Variants in PCDHA2 observed in about 807,000 individuals in gnomAD.
PCDHA2 encodes the protein protocadherin alpha-2.
A neutral mutation model predicts 66.0 loss-of-function variants in PCDHA2; 58 were observed. The observed-to-expected ratio is 0.88, with a 90% CI of 0.71 to 1.09. The LOEUF (loss-of-function observed/expected upper bound fraction) is 1.09. PCDHA2 is among the 50% of genes least tolerant of loss of function. The probability of loss-of-function intolerance (pLI) is 0.00; values close to 1 mark genes in which losing one functional copy is unlikely to be tolerated. For synonymous variants in PCDHA2, 634 were observed against 554.0 expected (o/e 1.14, Z -2.03); for missense variants, 1,267 against 1,242.3 (o/e 1.02, Z -0.30).
At chr5:140,921,091 C>G (rs893367475) in intron 1 of PCDHA2, among the ~76,000 whole-genome samples, 1 of 152,022 alleles carries the variant, frequency 6.6e-6, no homozygotes, top group Admixed American at 6.5e-5. Flanking sequence ...GAGAATCCTC[C>G]TGCCTCAGTC....
rs782414359 is a variant in PCDHA2, at chr5:140,802,121, A to G, written c.2388+4769A>G. On this transcript the variant is annotated intron_variant, in intron 1 of 3. Transcript: ENST00000526136. ...GACAAATCAGTGTAAAGGGTAACAT[A>G]GATTTCGAGGAAAGTAAGTCATATG... The G allele has an allele frequency of 1.4e-5, 23 of 1,614,132 alleles. No individual in the cohort carries two copies. The Admixed American group carries it at 3.5e-4, about 25-fold the overall frequency.
chr5:140,795,015 G>A lies in PCDHA2; in HGVS notation c.51G>A (p.Ser17=), dbSNP rs1241747001. The stretch of plus-strand genomic sequence containing the variant: ...GAGGGGCCTGGACACGGCTGCTCTC[G>A]CTTCTGCTCCTCGCAGCCTGGGAGG... ...RGRGAWTRLL[S]LLLLAAWEVG... Residue 17 remains serine (S), a synonymous_variant, in exon 1 of 4, where the codon TCG becomes TCA. Coordinates refer to ENST00000526136, the MANE Select transcript of PCDHA2 (RefSeq NM_018905.3). 1.9e-6 allele frequency: 3 copies of A among 1,613,636 alleles called. No individual in the cohort carries two copies. The highest frequency in any genetic ancestry group is 2.5e-6 in the Non-Finnish European group (3 of 1,179,950).
At chr5:140,922,139 C>A (rs2080663133) in intron 1 of PCDHA2, among the ~76,000 whole-genome samples, 1 of 151,854 alleles carries the variant, frequency 6.6e-6, no homozygotes, top group Non-Finnish European at 1.5e-5. Flanking sequence ...TCTTATCCTC[C>A]ATGAAACTCA....
intron 1 of PCDHA2, chr5:140,968,616 A>G (rs782318101): frequency 6.2e-7 from 1 of 1,614,154 alleles, no homozygotes; most frequent in Admixed American, 1.7e-5. Flanking sequence ...TCTGGGCAAA[A>G]TGCTTGGCTT....
intron 1 of PCDHA2, chr5:140,869,729 A>C (rs1554163384): frequency 6.2e-7 from 1 of 1,613,280 alleles, no homozygotes; most frequent in Admixed American, 1.7e-5. Context: ...CCGGAACTTA[A>C]TTTGCTGCTA....
At chr5:140,963,397 G>A (rs1190925238) in intron 1 of PCDHA2, among the ~76,000 whole-genome samples, 1 of 152,160 alleles carries the variant, frequency 6.6e-6, no homozygotes, top group Admixed American at 6.5e-5. Context: ...GCTCCCTACT[G>A]GATGCTGTAG....
At chr5:140,986,077 A>G (rs1335070462) in intron 3 of PCDHA2, among the ~76,000 whole-genome samples, 2 of 152,094 alleles carry the variant, frequency 1.3e-5, no homozygotes, top group Non-Finnish European at 2.9e-5. Flanking sequence ...GAAACTGTTC[A>G]TTTATTTTCA....
intron 1 of PCDHA2, chr5:140,835,753 A>C (rs1400734217): frequency 1.9e-6 from 3 of 1,613,298 alleles, no homozygotes; most frequent in Middle Eastern, 3.4e-4. Flanking sequence ...GCGTTCGCGC[A>C]GCCCGAGTAT....
chr5:140,885,410 G>A (rs1203684049), intron 1 of PCDHA2, among the ~76,000 whole-genome samples: 3 of 152,088 alleles, frequency 2.0e-5, no homozygotes, highest in Non-Finnish European at 4.4e-5. Flanking sequence ...TTTAATAGCT[G>A]TGTAGTATTC....
At position 140,853,114 on chromosome 5, in the gene PCDHA2, C is replaced by T. The variant is rs2150528456; in HGVS notation, c.2388+55762C>T. 11 of 456,802 alleles carry T rather than the reference C, an allele frequency of 2.4e-5. 1 individual carries two copies. The highest frequency in any genetic ancestry group is 1.1e-3 in the Middle Eastern group (1 of 920). The allele number at this position is 456,802 out of a possible 1,614,324, so 28.3% of individuals were successfully genotyped here. On this transcript the variant is annotated intron_variant, in intron 1 of 3. Coordinates refer to ENST00000526136, the MANE Select transcript of PCDHA2 (RefSeq NM_018905.3). ...CAGGATGGTCTCGATCTCCTGACCT[C>T]ATGATCCTCCCGCCTCAGCCTCCCA...
intron 1 of PCDHA2, chr5:140,801,761 A>G (rs1762778160): frequency 1.2e-6 from 2 of 1,613,888 alleles, no homozygotes; most frequent in African/African-American, 2.7e-5. Flanking sequence ...ATGATGAGGA[A>G]ATTAAATCCC....
intron 1 of PCDHA2, chr5:140,823,400 C>A (rs2150125536): frequency 1.2e-5 from 20 of 1,612,960 alleles, no homozygotes; most frequent in Non-Finnish European, 1.4e-5. Flanking sequence ...GCGGGCGTGC[C>A]GCCTCTGGGC....
intron 1 of PCDHA2, chr5:140,929,973 G>A (rs955255771): frequency 6.6e-6 from 1 of 152,136 alleles, no homozygotes; most frequent in Non-Finnish European, 1.5e-5. Context: ...TTTGGTGAAG[G>A]TGTCTTCTTT....
intron 1 of PCDHA2, chr5:140,927,406 G>A (rs782729912): frequency 1.2e-6 from 2 of 1,614,210 alleles, no homozygotes; most frequent in Admixed American, 1.7e-5. Flanking sequence ...CTTTCGCCTG[G>A]ACATGGGATC....
chr5:140,830,371 CG>C (rs1771026985), intron 1 of PCDHA2: 1 of 1,614,120 alleles, frequency 6.2e-7, no homozygotes, highest in Non-Finnish European at 8.5e-7. Flanking sequence ...GGGTGTGCTC[CG>C]GGGAGGGCCC....
At chr5:140,980,684 GAAAA>G (rs782726576) in intron 2 of PCDHA2, among the ~76,000 whole-genome samples, 3 of 145,064 alleles carry the variant, frequency 2.1e-5, no homozygotes, top group Non-Finnish European at 4.6e-5. Flanking sequence ...TTTTCAAATT[GAAAA>G]AAAAAAGCCA....
In PCDHA2 at chr5:140,964,303, C is replaced by T. The variant is rs947126454; in HGVS notation, c.2389-14646C>T. Among the ~76,000 whole-genome samples the T allele has an allele frequency of 9.2e-5, 14 of 152,208 alleles. 1 individual carries two copies. Among genetic ancestry groups the T allele is most frequent in the Non-Finnish European group, 2.9e-5 (2 of 68,038 alleles). On this transcript the variant is annotated intron_variant, in intron 1 of 3. Coordinates refer to ENST00000526136, the MANE Select transcript of PCDHA2 (RefSeq NM_018905.3). ...AATTCTAGCTGGAGCTAAATACCTA[C>T]AAGGCCTAAAACAGCATAATGGACA... is the stretch of plus-strand genomic sequence containing the variant.
intron 1 of PCDHA2, chr5:140,830,193 T>G: frequency 6.2e-7 from 1 of 1,613,664 alleles, no homozygotes; most frequent in Non-Finnish European, 8.5e-7. Flanking sequence ...GTGTACCTGA[T>G]CATCGCCATC....
In PCDHA2 at chr5:140,795,276, C is replaced by G. The variant is rs2149915094; in HGVS notation, c.312C>G (p.Ile104Met). The G allele has an allele frequency of 6.2e-7, 1 of 1,614,256 alleles. No individual in the cohort carries two copies. Among genetic ancestry groups the G allele is most frequent in the Middle Eastern group, 1.6e-4 (1 of 6,062 alleles). ...GCGGGCGGAGCGCGGAATGTAGCAT[C>G]CACGTGGAGGTGATCGTGGACAGGC... ...ELCGRSAECS[I>M]HVEVIVDRPL... is the part of the protein sequence containing the mutation. The change falls in exon 1 of 4, where the codon ATC becomes ATG. Residue 104 changes from isoleucine to methionine, a missense_variant. Physicochemically the swap from Ile to Met is conservative, Grantham distance 10. Coordinates refer to ENST00000526136, the MANE Select transcript of PCDHA2 (RefSeq NM_018905.3).
Sources: allele counts gnomAD v4.1 joint callset (sites outside exome capture counted in the v4.1 genomes callset), GRCh38; gene constraint gnomAD v4.1.1; transcripts MANE v1.5; gene names NCBI Gene and HGNC (gene_info 2026-07-23, HGNC 2026-07-21).